MCPH1: variants seen among roughly 807,000 people sequenced by gnomAD.
MCPH1 encodes the protein microcephalin 1.
MCPH1 carries 104 observed loss-of-function variants against 84.5 expected under a neutral mutation model. The observed-to-expected ratio is 1.23, with a 90% CI of 1.05 to 1.45. The LOEUF (loss-of-function observed/expected upper bound fraction) is 1.45. MCPH1 is among the 40% of genes most tolerant of loss of function. MCPH1 has a pLI of 0.00. For synonymous variants in MCPH1, 514 were observed against 366.8 expected (o/e 1.40, Z -4.58); for missense variants, 1,498 against 1,005.7 (o/e 1.49, Z -6.62).
rs539142637 is a variant in MCPH1 at position 6,579,307 on chromosome 8, C to T, written c.2215-42147C>T. Among the ~76,000 whole-genome samples, 79 of 152,328 alleles carry T rather than the reference C, an allele frequency of 5.2e-4. 1 individual carries two copies. The highest frequency in any genetic ancestry group is 1.8e-3 in the African/African-American group (76 of 41,566). On this transcript the variant is annotated intron_variant, in intron 12 of 13. Coordinates refer to ENST00000344683, the MANE Select transcript of MCPH1 (RefSeq NM_024596.5). ...CGCCCCCTTTCCCGGTCCCCTTCTC[C>T]TCCATTTGACTAATTATCAAAGAAA...
chr8:6,620,696 C>G (rs139618781), intron 12 of MCPH1, among the ~76,000 whole-genome samples: 1 of 152,192 alleles, frequency 6.6e-6, no homozygotes, highest in Non-Finnish European at 1.5e-5. Context: ...AGGGTGTGTA[C>G]ACTGAAGAAG....
At chr8:6,473,145 A>G (rs73518773) in intron 9 of MCPH1, among the ~76,000 whole-genome samples, 2,480 of 152,262 alleles carry the variant, frequency 0.016, 73 homozygotes, top group African/African-American at 0.057. Context: ...AACCAAAGAA[A>G]CAGGCTCATC....
chr8:6,458,500 T>G (rs1805941151), intron 9 of MCPH1, among the ~76,000 whole-genome samples: 1 of 148,232 alleles, frequency 6.7e-6, no homozygotes. Context: ...AAAAAAAAAT[T>G]CCTGATTTGT....
intron 9 of MCPH1, among the ~76,000 whole-genome samples, chr8:6,463,394 A>T (rs919159621): frequency 6.6e-6 from 1 of 152,008 alleles, no homozygotes; most frequent in African/African-American, 2.4e-5. Flanking sequence ...GAGCATTGTG[A>T]CCTCTTTTTA....
intron 5 of MCPH1, among the ~76,000 whole-genome samples, chr8:6,437,521 G>C (rs1164679165): frequency 1.3e-5 from 2 of 152,180 alleles, no homozygotes; most frequent in Admixed American, 1.3e-4. Flanking sequence ...GAGCCACCGC[G>C]CCCGGCCAAG....
chr8:6,631,931 C>T (rs2129582374), intron 13 of MCPH1, among the ~76,000 whole-genome samples: 1 of 152,222 alleles, frequency 6.6e-6, no homozygotes, highest in South Asian at 2.1e-4. Context: ...AGGCAGAAGC[C>T]CAAGTGTTCA....
intron 12 of MCPH1, among the ~76,000 whole-genome samples, chr8:6,510,848 C>T (rs543373542): frequency 6.6e-6 from 1 of 152,168 alleles, no homozygotes; most frequent in Admixed American, 6.5e-5. Flanking sequence ...AAACTTCATC[C>T]TAAGGCATGA....
intron 12 of MCPH1, among the ~76,000 whole-genome samples, chr8:6,574,718 C>G (rs558384240): frequency 6.6e-6 from 1 of 152,200 alleles, no homozygotes; most frequent in East Asian, 1.9e-4. Flanking sequence ...TAAGTGAAAA[C>G]GAGTCATCCC....
rs553546132 is a variant in MCPH1 at position 6,439,160 on chromosome 8, TC to T, written c.580+65del. 3,688 of 1,485,396 alleles carry T rather than the reference TC, an allele frequency of 2.5e-3. 6 individuals carry two copies. Among genetic ancestry groups the T allele is most frequent in the Non-Finnish European group, 3.1e-3 (3,370 of 1,081,132 alleles). 92.0% of individuals were successfully genotyped at this position (1,485,396 alleles called of 1,614,324 possible). ...GCCGATTCAATTATGGTGGAAAGCT[TC>T]TTTTTTCTTTGCCTAGATATTTTAA... is the stretch of plus-strand genomic sequence containing the variant. On this transcript the variant is annotated intron_variant, in intron 6 of 13. Coordinates refer to ENST00000344683, the MANE Select transcript of MCPH1 (RefSeq NM_024596.5).
At chr8:6,544,974 T>C (rs917560095) in intron 12 of MCPH1, among the ~76,000 whole-genome samples, 3 of 152,212 alleles carry the variant, frequency 2.0e-5, no homozygotes, top group African/African-American at 7.2e-5. Context: ...CCATGGAGAC[T>C]GGTATGATGA....
chr8:6,540,565 GAGCAA>G, intron 12 of MCPH1, among the ~76,000 whole-genome samples: 1 of 152,188 alleles, frequency 6.6e-6, no homozygotes, highest in Admixed American at 6.5e-5. Flanking sequence ...GGAAGATGAG[GAGCAA>G]ATACAGTGCA....
chr8:6,442,833 C>T (rs1803720574), intron 7 of MCPH1, among the ~76,000 whole-genome samples: 1 of 152,148 alleles, frequency 6.6e-6, no homozygotes, highest in Admixed American at 6.6e-5. Flanking sequence ...TCATGAAAGC[C>T]ACAGCAATGA....
At chr8:6,487,390 C>T (rs1810060651) in intron 11 of MCPH1, among the ~76,000 whole-genome samples, 1 of 152,156 alleles carries the variant, frequency 6.6e-6, no homozygotes, top group Non-Finnish European at 1.5e-5. Context: ...TCATTCCGTT[C>T]ACGCCTCTCA....
At chr8:6,489,155 A>G (rs1265124487) in intron 11 of MCPH1, among the ~76,000 whole-genome samples, 1 of 152,190 alleles carries the variant, frequency 6.6e-6, no homozygotes, top group African/African-American at 2.4e-5. Context: ...AAATAGAGAT[A>G]CTACATATCA....
chr8:6,455,756 A>G (rs573236350), intron 9 of MCPH1, among the ~76,000 whole-genome samples: 1 of 152,384 alleles, frequency 6.6e-6, no homozygotes, highest in African/African-American at 2.4e-5. Context: ...CATGAGTAAT[A>G]GAATGAGGAT....
At chr8:6,513,340 T>TTTTTTTTTTC in intron 12 of MCPH1, among the ~76,000 whole-genome samples, 1 of 150,436 alleles carries the variant, frequency 6.6e-6, no homozygotes, top group African/African-American at 2.4e-5. Context: ...TTTTTCTTTT[T>TTTTTTTTTTC]TTTTTTTTTT....
At position 6,518,021 on chromosome 8, in the gene MCPH1, C is replaced by G. The variant is rs115512325; in HGVS notation, c.2214+18092C>G. The stretch of plus-strand genomic sequence containing the variant: ...ATGTTTCCAACCATGACCTGAGGCT[C>G]ATATAATCCCAGAGTACTATATATT... On this transcript the variant is annotated intron_variant, in intron 12 of 13. Transcript: ENST00000344683. Among the ~76,000 whole-genome samples the G allele has an allele frequency of 3.4e-3, 521 of 151,430 alleles. 1 individual carries two copies. Among genetic ancestry groups the G allele is most frequent in the African/African-American group, 0.012 (498 of 41,398 alleles).
At chr8:6,566,709 C>T (rs939203489) in intron 12 of MCPH1, among the ~76,000 whole-genome samples, 5 of 149,326 alleles carry the variant, frequency 3.3e-5, no homozygotes, top group South Asian at 2.1e-4. Context: ...GTGCGGTGAC[C>T]GTGTGTGATC....
intron 12 of MCPH1, among the ~76,000 whole-genome samples, chr8:6,577,150 G>T (rs1006171570): frequency 6.6e-6 from 1 of 152,128 alleles, no homozygotes; most frequent in African/African-American, 2.4e-5. Context: ...TCTCAGCCCC[G>T]GGCAAAGGGA....
Sources: allele counts gnomAD v4.1 joint callset (sites outside exome capture counted in the v4.1 genomes callset), GRCh38; gene constraint gnomAD v4.1.1; transcripts MANE v1.5; gene names NCBI Gene and HGNC (gene_info 2026-07-23, HGNC 2026-07-21).